DNAH9: variants seen among roughly 807,000 people sequenced by gnomAD.
DNAH9 encodes the protein dynein axonemal heavy chain 9.
A neutral mutation model predicts 471.6 loss-of-function variants in DNAH9; 345 were observed. That is an observed-to-expected ratio of 0.73 (90% CI 0.67 to 0.80). The LOEUF is 0.80. Among genes scored for constraint, DNAH9 ranks in the 30% least tolerant of loss-of-function variants. The probability of loss-of-function intolerance (pLI) is 0.00; values close to 1 mark genes in which losing one functional copy is unlikely to be tolerated. For missense variants in DNAH9, 5,407 were observed against 5,609.2 expected (o/e 0.96, Z 1.15); for synonymous variants, 2,093 against 2,123.6 (o/e 0.99, Z 0.40).
At chr17:11,611,890 C>A (rs1263439194) in intron 4 of DNAH9, 110 bp downstream of exon 4, 2 of 1,050,938 alleles carry the variant, frequency 1.9e-6, no homozygotes, top group South Asian at 1.3e-5. Context: ...TGTAAATTTC[C>A]GACCCGACAC....
In DNAH9 at chr17:11,763,612, C is replaced by G; in HGVS notation, c.7168C>G (p.Gln2390Glu). The G allele has an allele frequency of 6.2e-7, 1 of 1,613,784 alleles. No individual in the cohort carries two copies. Among genetic ancestry groups the G allele is most frequent in the Middle Eastern group, 1.6e-4 (1 of 6,062 alleles). Residue 2390 changes from glutamine (Q) to glutamate (E), a missense_variant and splice_region_variant, in exon 36 of 69, where the codon CAG (glutamine) becomes GAG (glutamate). Physicochemically the swap from Gln to Glu is conservative, Grantham distance 29. Coordinates refer to ENST00000262442, the MANE Select transcript of DNAH9 (RefSeq NM_001372.4). ...WAFGGAMVQD[Q>E]LVDYRAEFSK... ...TTTCGGCGGAGCAATGGTCCAAGAT[C>G]AGGTAAGGAGATATGTTGAGCTCAA...
At chr17:11,800,712 C>T (rs1341890864) in intron 43 of DNAH9, among the ~76,000 whole-genome samples, 3 of 152,166 alleles carry the variant, frequency 2.0e-5, no homozygotes, top group African/African-American at 7.2e-5. Context: ...GTTTTCACTG[C>T]TAAGTCCTCG....
intron 28 of DNAH9, among the ~76,000 whole-genome samples, chr17:11,735,974 G>A (rs2075340584): frequency 3.3e-5 from 5 of 152,122 alleles, no homozygotes; most frequent in South Asian, 2.1e-4. Context: ...CTTACCAACT[G>A]TGGGGTTTCA....
Position 11,865,090 on chromosome 17 carries a change from G to A in DNAH9, c.9934-4044G>A, listed in dbSNP as rs376920066. Among the ~76,000 whole-genome samples, 7 of 152,196 alleles carry A rather than the reference G, an allele frequency of 4.6e-5. No homozygotes were observed. In the East Asian group the frequency reaches 5.8e-4, roughly 13 times the overall value. ...ATGATGTTAGCTGGTTATTTTGCTC[G>A]TTAGTTGATGCAGTTTCTTCCTAGT... On this transcript the variant is annotated intron_variant, in intron 50 of 68. Transcript: ENST00000262442.
chr17:11,847,371 G>C (rs1282416280), intron 49 of DNAH9, among the ~76,000 whole-genome samples: 1 of 152,122 alleles, frequency 6.6e-6, no homozygotes, highest in Non-Finnish European at 1.5e-5. Context: ...AATCCATCTT[G>C]AGTTAATTTT....
Position 11,923,925 on chromosome 17 carries a change from A to C in DNAH9, c.11861A>C (p.His3954Pro), listed in dbSNP as rs1291858486. 6.2e-7 allele frequency: 1 copy of C among 1,614,000 alleles called. No homozygotes were observed. The highest frequency in any genetic ancestry group is 1.7e-5 in the Admixed American group (1 of 59,990). The change falls in exon 62 of 69, where the codon CAC becomes CCC. Residue 3954 changes from histidine to proline, a missense_variant. His to Pro is a moderately conservative substitution (Grantham distance 77). Around this residue, in one of 3 missense-constraint regions of DNAH9, gnomAD observed 4,636 missense variants for 4,900.3 expected, o/e 0.95. Transcript: ENST00000262442. Reference protein sequence around the residue: ...AALDLAAKKGHWVILQNIHLV... With the variant: ...AALDLAAKKGPWVILQNIHLV... Reference sequence around the variant, plus strand: ...CTGGACCTCGCTGCCAAGAAAGGTCACTGGGTTATTTTGCAGGTATGTTCC... The same window carrying C: ...CTGGACCTCGCTGCCAAGAAAGGTCCCTGGGTTATTTTGCAGGTATGTTCC...
chr17:11,651,638 T>A (rs1412203806), intron 13 of DNAH9, among the ~76,000 whole-genome samples: 1 of 152,218 alleles, frequency 6.6e-6, no homozygotes, highest in Admixed American at 6.5e-5. Flanking sequence ...TACTATATTA[T>A]CTTTGTTATT....
intron 17 of DNAH9, 143 bp from the exon 18 acceptor site, chr17:11,679,614 A>G (rs761784308): frequency 2.9e-5 from 19 of 655,914 alleles, no homozygotes; most frequent in Admixed American, 9.5e-5. Flanking sequence ...ATCAGAGCAT[A>G]GTCTATGCAG....
chr17:11,656,434 G>C (rs1454040120), intron 14 of DNAH9, among the ~76,000 whole-genome samples: 1 of 151,960 alleles, frequency 6.6e-6, no homozygotes, highest in Non-Finnish European at 1.5e-5. Context: ...TTGCTGATTT[G>C]CTATAACTAG....
chr17:11,893,504 G>A (rs1973126675), intron 58 of DNAH9, among the ~76,000 whole-genome samples: 1 of 152,140 alleles, frequency 6.6e-6, no homozygotes, highest in African/African-American at 2.4e-5. Context: ...AGAAAAAGTG[G>A]CACATATTCA....
intron 28 of DNAH9, among the ~76,000 whole-genome samples, chr17:11,728,239 C>T (rs374719095): frequency 6.6e-6 from 1 of 152,164 alleles, no homozygotes; most frequent in Non-Finnish European, 1.5e-5. Flanking sequence ...AGCTCAGCTC[C>T]TCGGAAAGGC....
intron 4 of DNAH9, among the ~76,000 whole-genome samples, chr17:11,616,130 G>A (rs941444526): frequency 6.6e-6 from 1 of 152,094 alleles, no homozygotes; most frequent in African/African-American, 2.4e-5. Context: ...CTTTTCCTTA[G>A]CTGGACAGGA....
intron 30 of DNAH9, among the ~76,000 whole-genome samples, chr17:11,744,387 C>T (rs1342831992): frequency 1.3e-5 from 2 of 152,150 alleles, no homozygotes; most frequent in Non-Finnish European, 2.9e-5. Context: ...CTTCTTTAAA[C>T]CTCTTTTCCC....
intron 8 of DNAH9, among the ~76,000 whole-genome samples, chr17:11,634,391 A>G (rs1271174491): frequency 6.6e-6 from 1 of 152,206 alleles, no homozygotes. Context: ...ACCTGACTCT[A>G]GATCCCCTGT....
At chr17:11,651,574 T>G (rs565504548) in intron 13 of DNAH9, among the ~76,000 whole-genome samples, 1 of 151,470 alleles carries the variant, frequency 6.6e-6, no homozygotes, top group Admixed American at 6.6e-5. Context: ...AGAAGTTGCA[T>G]AAGATCTCCT....
At chr17:11,653,371 T>G (rs1205784204) in intron 14 of DNAH9, among the ~76,000 whole-genome samples, 3 of 152,158 alleles carry the variant, frequency 2.0e-5, no homozygotes, top group African/African-American at 7.2e-5. Flanking sequence ...TCCTCCAGCA[T>G]CATCCTTATA....
intron 15 of DNAH9, among the ~76,000 whole-genome samples, chr17:11,666,122 G>C (rs192900318): frequency 3.9e-5 from 6 of 152,324 alleles, no homozygotes; most frequent in Admixed American, 3.9e-4. Flanking sequence ...CAAGCCAATG[G>C]GGCATGGAAC....
intron 65 of DNAH9, among the ~76,000 whole-genome samples, chr17:11,936,656 A>AAATAAAATAT (rs1321422858): frequency 6.0e-4 from 92 of 152,144 alleles, no homozygotes; most frequent in African/African-American, 2.1e-3. Context: ...ACACACAATA[A>AAATAAAATAT]AATAAAATAA....
At chr17:11,843,580 A>G (rs1971102284) in intron 49 of DNAH9, among the ~76,000 whole-genome samples, 1 of 151,682 alleles carries the variant, frequency 6.6e-6, no homozygotes, top group African/African-American at 2.4e-5. Flanking sequence ...TTTTTGGCAT[A>G]TTCATCTCTA....
Sources: allele counts gnomAD v4.1 joint callset (sites outside exome capture counted in the v4.1 genomes callset), GRCh38; gene constraint gnomAD v4.1.1; regional missense constraint gnomAD v4.1.1; transcripts MANE v1.5; gene names NCBI Gene and HGNC (gene_info 2026-07-23, HGNC 2026-07-21).